The following DOCK1 variants were observed in gnomAD, a reference collection of about 807,000 sequenced individuals.
DOCK1 encodes dedicator of cytokinesis 1, also known as dedicator of cytokinesis protein 1.
A neutral mutation model predicts 262.7 loss-of-function variants in DOCK1; 138 were observed. That is an observed-to-expected ratio of 0.53 (90% CI 0.46 to 0.61). The LOEUF is 0.61. DOCK1 is among the 20% of genes least tolerant of loss of function. DOCK1 has a pLI of 0.00. For synonymous variants in DOCK1, 866 were observed against 867.4 expected (o/e 1.00, Z 0.03); for missense variants, 1,908 against 2,370.7 (o/e 0.80, Z 4.05).
intron 27 of DOCK1, among the ~76,000 whole-genome samples, chr10:127,154,760 C>T (rs933286886): frequency 2.6e-5 from 4 of 152,214 alleles, no homozygotes; most frequent in Admixed American, 2.0e-4. Flanking sequence ...ATTCTCCCCC[C>T]TAATTAAAAA....
At chr10:127,248,309 T>C (rs2059501280) in intron 28 of DOCK1, among the ~76,000 whole-genome samples, 200 bp downstream of exon 28, 2 of 152,214 alleles carry the variant, frequency 1.3e-5, no homozygotes, top group Admixed American at 6.5e-5. Context: ...GACTTGCTTC[T>C]AGGGCTGAAT....
At chr10:127,341,657 G>A (rs974678517) in intron 30 of DOCK1, among the ~76,000 whole-genome samples, 1 of 152,070 alleles carries the variant, frequency 6.6e-6, no homozygotes. Context: ...TGCTCTGGTG[G>A]GGGAGCCTGT....
chr10:127,270,495 C>T lies in DOCK1; in HGVS notation c.3044+13066C>T, dbSNP rs530462709. On this transcript the variant is annotated intron_variant, in intron 29 of 51. Transcript: ENST00000623213. ...CACAGCTGATGCCAGCCTGTGCCAC[C>T]CAGCACAGAAAATGCCACATGGCTG... Among the ~76,000 whole-genome samples the T allele has an allele frequency of 3.3e-5, 5 of 152,270 alleles. No homozygotes were observed. The East Asian group carries it at 9.7e-4, about 29-fold the overall frequency.
intron 47 of DOCK1, among the ~76,000 whole-genome samples, chr10:127,429,527 C>T (rs1044714091): frequency 6.6e-6 from 1 of 152,118 alleles, no homozygotes; most frequent in African/African-American, 2.4e-5. Context: ...AAAAATAAAC[C>T]CATAGAAAGG....
intron 32 of DOCK1, among the ~76,000 whole-genome samples, chr10:127,361,187 C>T (rs1336394101): frequency 1.4e-5 from 2 of 140,004 alleles, no homozygotes; most frequent in Non-Finnish European, 3.0e-5. Flanking sequence ...GATCTTGGCT[C>T]ACTGCGACCT....
chr10:126,974,780 G>T (rs2038390070), intron 2 of DOCK1, among the ~76,000 whole-genome samples: 3 of 152,066 alleles, frequency 2.0e-5, no homozygotes, highest in African/African-American at 7.2e-5. Context: ...CAGAGATTGG[G>T]TCTAATCTCT....
chr10:127,119,019 T>C (rs543010968), intron 25 of DOCK1, among the ~76,000 whole-genome samples: 2 of 151,308 alleles, frequency 1.3e-5, no homozygotes, highest in African/African-American at 4.8e-5. Flanking sequence ...ATGGGTCCTT[T>C]ACTCTGGGGG....
chr10:127,429,635 A>G (rs1028334508), intron 47 of DOCK1, among the ~76,000 whole-genome samples: 1 of 152,166 alleles, frequency 6.6e-6, no homozygotes, highest in African/African-American at 2.4e-5. Flanking sequence ...CCCCTCTGCC[A>G]CTCTGCCTTG....
chr10:126,953,234 A>T (rs1172707321), intron 1 of DOCK1, among the ~76,000 whole-genome samples: 1 of 142,254 alleles, frequency 7.0e-6, no homozygotes, highest in Non-Finnish European at 1.5e-5. Flanking sequence ...TATTTTTAGT[A>T]GTGTTGGTAG....
At chr10:127,179,618 G>A (rs1056550838) in intron 27 of DOCK1, among the ~76,000 whole-genome samples, 7 of 152,096 alleles carry the variant, frequency 4.6e-5, no homozygotes, top group African/African-American at 1.7e-4. Flanking sequence ...TCTTTTCGGG[G>A]TGTTCATTTG....
At chr10:127,103,337 G>A (rs1341453673) in intron 23 of DOCK1, among the ~76,000 whole-genome samples, 3 of 152,152 alleles carry the variant, frequency 2.0e-5, no homozygotes, top group Non-Finnish European at 2.9e-5. Flanking sequence ...AGTTTTAATC[G>A]TAGGACCGCC....
chr10:127,051,203 A>G (rs930872444), intron 21 of DOCK1, among the ~76,000 whole-genome samples: 2 of 151,962 alleles, frequency 1.3e-5, no homozygotes, highest in African/African-American at 4.8e-5. Context: ...TTGATTTTAG[A>G]TCCCAATTTA....
intron 47 of DOCK1, among the ~76,000 whole-genome samples, chr10:127,430,899 A>G (rs1456102540): frequency 6.6e-6 from 1 of 152,200 alleles, no homozygotes; most frequent in East Asian, 1.9e-4. Context: ...ACTCAGGGTC[A>G]TTAGGCAGGG....
chr10:127,101,696 A>ACAGCCACAC (rs2048259945), intron 23 of DOCK1, among the ~76,000 whole-genome samples: 1 of 152,174 alleles, frequency 6.6e-6, no homozygotes, highest in Non-Finnish European at 1.5e-5. Flanking sequence ...CCGGCAGCCC[A>ACAGCCACAC]AGGGGAGCCA....
chr10:127,385,430 T>TAA (rs3078941), intron 38 of DOCK1, among the ~76,000 whole-genome samples: 41,048 of 147,030 alleles, frequency 0.28, 5,730 homozygotes, highest in East Asian at 0.42. Flanking sequence ...AGTAACTATT[T>TAA]AAAAAAAAAA....
intron 38 of DOCK1, among the ~76,000 whole-genome samples, chr10:127,393,914 T>C (rs2066655358): frequency 6.6e-6 from 1 of 152,182 alleles, no homozygotes; most frequent in South Asian, 2.1e-4. Flanking sequence ...CTTGCTCTTT[T>C]TCCATTCCAT....
chr10:127,384,653 G>A, intron 37 of DOCK1, 137 bp from the exon 38 acceptor site: 4 of 1,105,558 alleles, frequency 3.6e-6, no homozygotes, highest in Non-Finnish European at 4.7e-6. Context: ...TGCCCTGGCA[G>A]TCCCCAGCCT....
chr10:127,000,177 C>T lies in DOCK1; in HGVS notation c.855C>T (p.Leu285=), dbSNP rs372000903. The T allele has an allele frequency of 8.0e-5, 129 of 1,613,662 alleles. No homozygotes were observed. The highest frequency in any genetic ancestry group is 9.9e-5 in the Non-Finnish European group (117 of 1,179,774). The change falls in exon 10 of 52, where the codon CTC becomes CTT. Residue 285 remains leucine, a synonymous_variant. Transcript: ENST00000623213. ...ATGGAAACTAATATTTCTAGGACCT[C>T]GGAAGCAAAGACCTGAAAAGGGAGA... is the stretch of plus-strand genomic sequence containing the variant. ...LHNLRAVFTD[L]GSKDLKREKI... is the part of the protein sequence containing the mutation.
At chr10:127,020,945 GGAA>G (rs2042378085) in intron 13 of DOCK1, among the ~76,000 whole-genome samples, 2 of 152,146 alleles carry the variant, frequency 1.3e-5, no homozygotes, top group East Asian at 3.9e-4. Context: ...TTGGACTCCT[GGAA>G]TCCTTATGAA....
Sources: allele counts gnomAD v4.1 joint callset (sites outside exome capture counted in the v4.1 genomes callset), GRCh38; gene constraint gnomAD v4.1.1; transcripts MANE v1.5; gene names NCBI Gene and HGNC (gene_info 2026-07-23, HGNC 2026-07-21).